MAP4: variants seen among roughly 807,000 people sequenced by gnomAD.
MAP4 encodes the protein microtubule associated protein 4.
Under a neutral mutation model 170.2 loss-of-function variants are expected in MAP4, and 76 were observed. That is an observed-to-expected ratio of 0.45 (90% confidence interval 0.37 to 0.54). The LOEUF (loss-of-function observed/expected upper bound fraction) is 0.54. MAP4 is among the 20% of genes least tolerant of loss of function. The pLI is 0.00. For missense variants in MAP4, 2,506 were observed against 2,748.0 expected (o/e 0.91, Z 1.97); for synonymous variants, 909 against 994.5 (o/e 0.91, Z 1.62).
chr3:47,863,938 G>GT (rs1042739180), intron 17 of MAP4, among the ~76,000 whole-genome samples: 3 of 76,644 alleles, frequency 3.9e-5, no homozygotes, highest in South Asian at 3.9e-4. Flanking sequence ...GTGTGTGTGT[G>GT]GGGAGTGGTG....
At chr3:47,857,358 G>T (rs1274404139) in intron 18 of MAP4, 73 bp downstream of exon 18, 1 of 1,249,340 alleles carries the variant, frequency 8.0e-7, no homozygotes, top group Non-Finnish European at 1.2e-6. Flanking sequence ...TTGCCAGCCA[G>T]CTGGCTGCCC....
chr3:48,040,700 A>T (rs1274804579), intron 1 of MAP4, among the ~76,000 whole-genome samples: 1 of 152,090 alleles, frequency 6.6e-6, no homozygotes, highest in Non-Finnish European at 1.5e-5. Context: ...AGTAGCTGGG[A>T]CTATAGGCAT....
intron 1 of MAP4, among the ~76,000 whole-genome samples, chr3:48,074,721 T>TGTGTGTGTGTGTGTGTGTGA (rs1259180548): frequency 6.7e-6 from 1 of 149,142 alleles, no homozygotes; most frequent in Non-Finnish European, 1.5e-5. Context: ...TGTGTGTGTG[T>TGTGTGTGTGTGTGTGTGTGA]GTGTGATATG....
chr3:47,943,790 C>A (rs2100058001), intron 3 of MAP4, among the ~76,000 whole-genome samples: 1 of 152,004 alleles, frequency 6.6e-6, no homozygotes, highest in South Asian at 2.1e-4. Context: ...GATCACATAG[C>A]ACACTTGTTT....
chr3:47,910,905 A>C lies in MAP4; in HGVS notation c.3516T>G (p.Val1172=). 6.5e-7 allele frequency: 1 copy of C among 1,536,108 alleles called. No homozygotes were observed. Among genetic ancestry groups the C allele is most frequent in the Non-Finnish European group, 8.7e-7 (1 of 1,146,902 alleles). The part of the protein sequence containing the change: ...SGSGMTQTSG[V]STETGDVVKD... ...TGACTACATCTCCTGTTTCTGTGCT[A>C]ACACCAGAAGTCTGAGTCATGCCTG... The change falls in exon 9 of 21, where the codon GTT becomes GTG. Residue 1172 remains valine (V), a synonymous_variant. Transcript: ENST00000683076.
At position 47,889,615 on chromosome 3, in the gene MAP4, A is replaced by T. The variant is rs2098231151; in HGVS notation, c.5435-12092T>A. The stretch of plus-strand genomic sequence containing the variant: ...GATCGGTGGATTTGTCAGTCATCTG[A>T]AATTTTTTTCTATTAGCACAAACTT... On this transcript the variant is annotated intron_variant, in intron 10 of 20. Transcript: ENST00000683076. Among the ~76,000 whole-genome samples the T allele has an allele frequency of 2.0e-5, 3 of 152,234 alleles. No individual in the cohort carries two copies. The South Asian group carries it at 6.2e-4, about 32-fold the overall frequency.
At chr3:47,981,384 A>C (rs1187620277) in intron 2 of MAP4, among the ~76,000 whole-genome samples, 2 of 151,900 alleles carry the variant, frequency 1.3e-5, no homozygotes, top group Admixed American at 6.6e-5. Flanking sequence ...GTGTGACCCC[A>C]TCTCTAAAAA....
chr3:48,016,657 T>C (rs1006354466), upstream of MAP4, among the ~76,000 whole-genome samples: 1 of 152,220 alleles, frequency 6.6e-6, no homozygotes, highest in African/African-American at 2.4e-5. Context: ...CCTCAAAATT[T>C]TGAAAAAGGA....
chr3:48,054,311 A>C (rs2100129462), intron 1 of MAP4, among the ~76,000 whole-genome samples: 1 of 151,526 alleles, frequency 6.6e-6, no homozygotes, highest in South Asian at 2.1e-4. Flanking sequence ...AACAAAAAAA[A>C]CAAAAAACAA....
chr3:48,053,856 G>C (rs1559864018), intron 1 of MAP4, among the ~76,000 whole-genome samples: 1 of 151,936 alleles, frequency 6.6e-6, no homozygotes, highest in African/African-American at 2.4e-5. Context: ...AGTATATATA[G>C]TTCTTATTTT....
At chr3:48,078,988 T>C (rs1192884930) in intron 1 of MAP4, among the ~76,000 whole-genome samples, 1 of 151,998 alleles carries the variant, frequency 6.6e-6, no homozygotes, top group Admixed American at 6.6e-5. Context: ...CTGGGCAACA[T>C]GGTGAAACGC....
intron 3 of MAP4, among the ~76,000 whole-genome samples, chr3:47,954,516 C>T (rs1338003374): frequency 6.6e-6 from 1 of 152,180 alleles, no homozygotes; most frequent in Non-Finnish European, 1.5e-5. Context: ...TTTGACCTCT[C>T]ATCTAATTTC....
rs942005953 is a variant in MAP4, at chr3:47,855,958, G to A, written c.6584-598C>T. On this transcript the variant is annotated intron_variant, in intron 18 of 20. Coordinates refer to ENST00000683076, the MANE Select transcript of MAP4 (RefSeq NM_001385682.1). This position sits in a 1 kb window ranked among gnomAD's most constrained non-coding sequence, Gnocchi z 5.1. ...ATAATAAAAAGGACAGAGTGGCCCCGAGGCTGTGCGCTGAGGAAGGAAAGA... is the reference window on the plus strand; with the variant it reads ...ATAATAAAAAGGACAGAGTGGCCCCAAGGCTGTGCGCTGAGGAAGGAAAGA... Among the ~76,000 whole-genome samples, 5 of 152,118 alleles carry A rather than the reference G, an allele frequency of 3.3e-5. No individual in the cohort carries two copies. Among genetic ancestry groups the A allele is most frequent in the Non-Finnish European group, 7.4e-5 (5 of 68,002 alleles).
At position 47,910,465 on chromosome 3, in the gene MAP4, G is replaced by A. The variant is rs2100035422; in HGVS notation, c.3956C>T (p.Ala1319Val). The A allele has an allele frequency of 6.5e-7, 1 of 1,536,004 alleles. No individual in the cohort carries two copies. Among genetic ancestry groups the A allele is most frequent in the Non-Finnish European group, 8.7e-7 (1 of 1,146,876 alleles). ...VKASTVTEPP[A>V]KVTDVSCQEQ... Reference sequence around the variant, plus strand: ...TTGGCAGCTCACATCTGTCACCTTGGCAGGTGGTTCAGTAACAGTAGAAGC... The same window carrying A: ...TTGGCAGCTCACATCTGTCACCTTGACAGGTGGTTCAGTAACAGTAGAAGC... Residue 1319 changes from alanine (A) to valine (V), a missense_variant, in exon 9 of 21, where the codon GCC (alanine) becomes GTC (valine). Around this residue, in one of 3 missense-constraint regions of MAP4, gnomAD observed 2,008 missense variants for 2,206.0 expected, o/e 0.91. Transcript: ENST00000683076.
intron 3 of MAP4, among the ~76,000 whole-genome samples, chr3:47,941,139 A>C (rs1271316972): frequency 1.4e-5 from 2 of 147,072 alleles, no homozygotes; most frequent in Admixed American, 1.4e-4. Context: ...TCGGCCTCCC[A>C]AAGTCCTGGG....
At chr3:48,074,156 T>G (rs1191587240) in intron 1 of MAP4, among the ~76,000 whole-genome samples, 1 of 151,862 alleles carries the variant, frequency 6.6e-6, no homozygotes, top group Non-Finnish European at 1.5e-5. Context: ...ATGTCCTTTG[T>G]AGGGACATGG....
At chr3:47,951,724 C>T (rs1292241955) in intron 3 of MAP4, among the ~76,000 whole-genome samples, 1 of 152,228 alleles carries the variant, frequency 6.6e-6, no homozygotes, top group Non-Finnish European at 1.5e-5. Flanking sequence ...CAGCCACCTG[C>T]CTTGGCCTCC....
At chr3:47,986,162 G>A (rs921484127) in intron 2 of MAP4, among the ~76,000 whole-genome samples, 16 of 152,216 alleles carry the variant, frequency 1.1e-4, no homozygotes, top group African/African-American at 3.9e-4. Flanking sequence ...AAGAGGTGGG[G>A]TCTTTGGGGT....
chr3:48,077,066 G>A lies in MAP4; in HGVS notation c.-20+11707C>T, dbSNP rs188361600. Among the ~76,000 whole-genome samples, 420 of 152,190 alleles carry A rather than the reference G, an allele frequency of 2.8e-3. 2 individuals carry two copies. Among genetic ancestry groups the A allele is most frequent in the Non-Finnish European group, 4.2e-3 (283 of 68,024 alleles). ...GAAGGCTGAGGTGGAAGAATCACCTGAGCCCTGGAGGTCAAGGCTGCAGTG... is the reference window on the plus strand; with the variant it reads ...GAAGGCTGAGGTGGAAGAATCACCTAAGCCCTGGAGGTCAAGGCTGCAGTG... On this transcript the variant is annotated intron_variant, in intron 1 of 18. Coordinates refer to the MAP4 transcript ENST00000360240.
Sources: gnomAD v4.1 joint callset for allele counts (sites outside exome capture counted in the v4.1 genomes callset) on GRCh38, gnomAD v4.1.1 for gene constraint, gnomAD v4.1.1 regional missense constraint, Gnocchi (gnomAD v3.1) non-coding constraint, MANE v1.5 for transcripts, NCBI Gene and HGNC (gene_info 2026-07-23, HGNC 2026-07-21) for gene names.